Variants in SIPA1 observed in about 807,000 individuals in gnomAD.
SIPA1 encodes the protein signal-induced proliferation-associated 1.
SIPA1 carries 51 observed loss-of-function variants against 88.1 expected under a neutral mutation model. The observed-to-expected ratio is 0.58, with a 90% confidence interval of 0.46 to 0.73. The LOEUF (loss-of-function observed/expected upper bound fraction) is 0.73, where lower values mean the gene tolerates loss of function less well. SIPA1 is among the 30% of genes least tolerant of loss of function. The pLI is 0.00. For synonymous variants in SIPA1, 681 were observed against 664.8 expected, an observed-to-expected ratio of 1.02 and a Z score of -0.37; for missense variants, 1,348 against 1,467.6, an observed-to-expected ratio of 0.92 and a Z score of 1.33.
In SIPA1 at chr11:65,642,350, C is replaced by T; in HGVS notation, c.780C>T (p.Ser260=). Residue 260 remains serine, a synonymous_variant, in exon 3 of 16, where the codon AGC becomes AGT. Transcript: ENST00000534313. This position sits in a 1 kb window ranked among gnomAD's most constrained non-coding sequence, Gnocchi z 6.5. ...KEGSGGGTLH[S]YRVIVRTTQL... Reference sequence around the variant, plus strand: ...GCAGCGGAGGGGGCACCCTGCACAGCTACCGCGTCATCGTGCGGACCACGC... The same window carrying T: ...GCAGCGGAGGGGGCACCCTGCACAGTTACCGCGTCATCGTGCGGACCACGC... 6.4e-7 allele frequency: 1 copy of T among 1,567,786 alleles called. No homozygotes were observed. Among genetic ancestry groups the T allele is most frequent in the Non-Finnish European group, 8.6e-7 (1 of 1,156,416 alleles).
Position 65,649,596 on chromosome 11 carries a change from C to A in SIPA1, c.2561C>A (p.Thr854Asn). The A allele has an allele frequency of 6.2e-7, 1 of 1,614,146 alleles. No individual in the cohort carries two copies. The highest frequency in any genetic ancestry group is 1.7e-5 in the Admixed American group (1 of 60,024). Reference sequence around the variant, plus strand: ...GATGAGGCCCCAGTCCTGCCCAACACCACCCCGGACCTCCTCCTGGCCACC... The same window carrying A: ...GATGAGGCCCCAGTCCTGCCCAACAACACCCCGGACCTCCTCCTGGCCACC... ...LSDEAPVLPN[T>N]TPDLLLATTA... Residue 854 changes from threonine to asparagine, a missense_variant, in exon 11 of 16, where the codon ACC becomes AAC. Coordinates refer to ENST00000534313, the MANE Select transcript of SIPA1 (RefSeq NM_006747.4).
Position 65,641,520 on chromosome 11 carries a change from C to A in SIPA1, c.599C>A (p.Pro200Gln). 6.2e-7 allele frequency: 1 copy of A among 1,612,430 alleles called. No homozygotes were observed. Among genetic ancestry groups the A allele is most frequent in the Non-Finnish European group, 8.5e-7 (1 of 1,180,008 alleles). Reference sequence around the variant, plus strand: ...GCGGCCGTGTCCATCCTGGAGGAGCCACAGAACCGAACCTCGGCCTACAGC... The same window carrying A: ...GCGGCCGTGTCCATCCTGGAGGAGCAACAGAACCGAACCTCGGCCTACAGC... ...PNAAVSILEE[P>Q]QNRTSAYSLE... The change falls in exon 2 of 16, where the codon CCA becomes CAA. Residue 200 changes from proline (P) to glutamine (Q), a missense_variant. Pro to Gln is a moderately conservative substitution (Grantham distance 76). Transcript: ENST00000534313.
intron 8 of SIPA1, 104 bp from the exon 9 acceptor site, chr11:65,647,280 G>A (rs1169849692): frequency 5.8e-6 from 8 of 1,371,752 alleles, no homozygotes; most frequent in African/African-American, 3.0e-5. Context: ...GGCCCTCGGG[G>A]ACTGTGGAAA....
In SIPA1 at chr11:65,646,525, C is replaced by T. The variant is rs1280356098; in HGVS notation, c.1491C>T (p.Phe497=). The T allele has an allele frequency of 2.6e-6, 4 of 1,567,074 alleles. No individual in the cohort carries two copies. Among genetic ancestry groups the T allele is most frequent in the South Asian group, 1.1e-5 (1 of 87,524 alleles). ...GPALPAGGGP[F]AANADFRAFL... ...CTCTGCCTGCTGGCGGAGGCCCCTTCGCAGCCAACGCCGACTTCCGGGCCT... is the reference window on the plus strand; with the variant it reads ...CTCTGCCTGCTGGCGGAGGCCCCTTTGCAGCCAACGCCGACTTCCGGGCCT... Residue 497 remains phenylalanine, a synonymous_variant, in exon 8 of 16, where the codon TTC becomes TTT. Coordinates refer to ENST00000534313, the MANE Select transcript of SIPA1 (RefSeq NM_006747.4). This position sits in a 1 kb window ranked among gnomAD's most constrained non-coding sequence, Gnocchi z 7.5.
At position 65,646,485 on chromosome 11, in the gene SIPA1, C is replaced by G; in HGVS notation, c.1451C>G (p.Pro484Arg). ...RVAVSRTQDT[P>R]AFGPALPAGG... Reference sequence around the variant, plus strand: ...GCCGTGAGCCGCACCCAGGACACCCCTGCCTTCGGGCCAGCTCTGCCTGCT... The same window carrying G: ...GCCGTGAGCCGCACCCAGGACACCCGTGCCTTCGGGCCAGCTCTGCCTGCT... Residue 484 changes from proline (P) to arginine (R), a missense_variant, in exon 8 of 16, where the codon CCT becomes CGT. This residue lies in a region of SIPA1 where 641 missense variants were observed against 797.7 expected (regional missense o/e 0.80). Transcript: ENST00000534313. This position sits in a 1 kb window ranked among gnomAD's most constrained non-coding sequence, Gnocchi z 7.5. The G allele has an allele frequency of 6.3e-7, 1 of 1,582,586 alleles. No homozygotes were observed. The highest frequency in any genetic ancestry group is 8.5e-7 in the Non-Finnish European group (1 of 1,170,658).
Position 65,646,527 on chromosome 11 carries a change from C to G in SIPA1, c.1493C>G (p.Ala498Gly). Residue 498 changes from alanine (A) to glycine (G), a missense_variant, in exon 8 of 16, where the codon GCA becomes GGA. Ala to Gly is a moderately conservative substitution (Grantham distance 60, BLOSUM62 0). Transcript: ENST00000534313. This position sits in a 1 kb window ranked among gnomAD's most constrained non-coding sequence, Gnocchi z 7.5. ...PALPAGGGPFAANADFRAFLL... is the reference protein window; with the variant it reads ...PALPAGGGPFGANADFRAFLL... Reference sequence around the variant, plus strand: ...CTGCCTGCTGGCGGAGGCCCCTTCGCAGCCAACGCCGACTTCCGGGCCTTC... The same window carrying G: ...CTGCCTGCTGGCGGAGGCCCCTTCGGAGCCAACGCCGACTTCCGGGCCTTC... 1 of 1,566,414 alleles carries G rather than the reference C, an allele frequency of 6.4e-7. No homozygotes were observed. The highest frequency in any genetic ancestry group is 8.6e-7 in the Non-Finnish European group (1 of 1,162,786).
rs1220891421 is a variant in SIPA1 at position 65,647,461 on chromosome 11, C to T, written c.2109C>T (p.Asp703=). Residue 703 remains aspartate, a synonymous_variant, in exon 9 of 16, where the codon GAC becomes GAT. Transcript: ENST00000534313. ...AAGGCCGCCTGGGCTTCGAGGTGGA[C>T]GCCGAGGGATTCGTCACGCACGTGG... ...DGQGRLGFEV[D]AEGFVTHVER... 4.7e-6 allele frequency: 7 copies of T among 1,480,394 alleles called. No homozygotes were observed. The highest frequency in any genetic ancestry group is 5.3e-6 in the Non-Finnish European group (6 of 1,124,162). The allele number at this position is 1,480,394 out of a possible 1,614,324, so 91.7% of individuals were successfully genotyped here.
In SIPA1 at chr11:65,641,233, G is replaced by A. The variant is rs369131554; in HGVS notation, c.312G>A (p.Glu104=). The A allele has an allele frequency of 2.0e-5, 33 of 1,613,194 alleles. No individual in the cohort carries two copies. The African/African-American group carries it at 3.7e-4, about 18-fold the overall frequency. The part of the protein sequence containing the change: ...ALLGLPAEEP[E]PAFPPVLEPR... ...TGGGGCTGCCAGCAGAGGAACCAGA[G>A]CCTGCCTTCCCACCAGTGCTTGAGC... The change falls in exon 2 of 16, where the codon GAG becomes GAA. Residue 104 remains glutamate, a synonymous_variant. Transcript: ENST00000534313.
chr11:65,642,901 C>CTTTCTTTCTTTATTTATTTATTTA lies in SIPA1; in HGVS notation c.984+265_984+266insCTTTCTTTATTTATTTATTTATTT, dbSNP rs1555003564. 6.8e-6 allele frequency among the ~76,000 whole-genome samples: 1 copy of CTTTCTTTCTTTATTTATTTATTTA among 146,962 alleles called. No individual in the cohort carries two copies. The highest frequency in any genetic ancestry group is 2.5e-5 in the African/African-American group (1 of 39,412). ...CAGACCATCTGAATCAGAGTTTGCA[C>CTTTCTTTCTTTATTTATTTATTTA]TTTATTTATTTATTTATTTATTTAT... On this transcript the variant is annotated intron_variant, in intron 4 of 15. Transcript: ENST00000534313. This position sits in a 1 kb window ranked among gnomAD's most constrained non-coding sequence, Gnocchi z 6.5.
At position 65,646,156 on chromosome 11, in the gene SIPA1, C is replaced by T; in HGVS notation, c.1264-65C>T. 3.8e-6 allele frequency: 6 copies of T among 1,573,560 alleles called. No individual in the cohort carries two copies. The highest frequency in any genetic ancestry group is 5.2e-6 in the Non-Finnish European group (6 of 1,152,904). ...CCATTGGTGCCTTGGCTTTCTCCTG[C>T]CTGAATGAGGAGGGGTTTGGGGCAC... On this transcript the variant is annotated intron_variant, in intron 6 of 15. Transcript: ENST00000534313. The surrounding 1 kb of genome is among the most constrained non-coding windows in gnomAD (Gnocchi z 7.5).
intron 5 of SIPA1, 186 bp from the exon 6 acceptor site, chr11:65,645,668 A>G: frequency 1.8e-6 from 1 of 546,416 alleles, no homozygotes; most frequent in Non-Finnish European, 3.3e-6. Flanking sequence ...GTGGAGGGAG[A>G]GGAGGAGGGG....
chr11:65,650,569 G>A lies in SIPA1; in HGVS notation c.2983G>A (p.Glu995Lys). 1 of 1,606,056 alleles carries A rather than the reference G, an allele frequency of 6.2e-7. No homozygotes were observed. The highest frequency in any genetic ancestry group is 8.5e-7 in the Non-Finnish European group (1 of 1,176,116). Residue 995 changes from glutamate to lysine, a missense_variant and splice_region_variant, in exon 16 of 16, where the codon GAG becomes AAG. This residue lies in a region of SIPA1 where 615 missense variants were observed against 559.8 expected (regional missense o/e 1.10). Transcript: ENST00000534313. ...LRKLQEDLQK[E>K]KADRAALEEE... ...GACTCCTGTCTCCCCGGCACCCCAG[G>A]AGAAGGCGGACAGGGCGGCCCTGGA... is the stretch of plus-strand genomic sequence containing the variant.
rs370389116 is a variant in SIPA1, at chr11:65,649,761, G to C, written c.2642G>C (p.Arg881Thr). ...ADSETPLTQD[R>T]PGSPSGSEDK... ...GTATCCACTTCTGTGGCACAGGACA[G>C]GCCAGGCAGTCCCAGTGGCTCTGAG... The change falls in exon 12 of 16, where the codon AGG becomes ACG. Residue 881 changes from arginine to threonine, a missense_variant. Physicochemically the swap from Arg to Thr is moderately conservative, Grantham distance 71. Around this residue, in one of 4 missense-constraint regions of SIPA1, gnomAD observed 615 missense variants for 559.8 expected, o/e 1.10. Transcript: ENST00000534313. 9 of 1,613,976 alleles carry C rather than the reference G, an allele frequency of 5.6e-6. No homozygotes were observed. The African/African-American group carries it at 1.2e-4, about 22-fold the overall frequency.
Position 65,647,627 on chromosome 11 carries a change from C to T in SIPA1, c.2275C>T (p.Leu759=). The change falls in exon 9 of 16, where the codon CTG becomes TTG. Residue 759 remains leucine (L), a synonymous_variant. Transcript: ENST00000534313. ...RSAPKVCVTV[L]PPDESGRPRR... The stretch of plus-strand genomic sequence containing the variant: ...GGCGCCCAAGGTCTGCGTCACCGTC[C>T]TGCCCCCCGACGAGAGCGGCCGGCC... 7.1e-7 allele frequency: 1 copy of T among 1,403,306 alleles called. No individual in the cohort carries two copies. The allele number at this position is 1,403,306 out of a possible 1,614,324, so 86.9% of individuals were successfully genotyped here.
rs574967981 is a variant in SIPA1, at chr11:65,646,127, G to A, written c.1264-94G>A. On this transcript the variant is annotated intron_variant, in intron 6 of 15. Coordinates refer to ENST00000534313, the MANE Select transcript of SIPA1 (RefSeq NM_006747.4). This position sits in a 1 kb window ranked among gnomAD's most constrained non-coding sequence, Gnocchi z 7.5. ...CTAGGTCTTCACCAGGGGCAGTGGGGGAGCCATTGGTGCCTTGGCTTTCTC... is the reference window on the plus strand; with the variant it reads ...CTAGGTCTTCACCAGGGGCAGTGGGAGAGCCATTGGTGCCTTGGCTTTCTC... 89 of 1,450,018 alleles carry A rather than the reference G, an allele frequency of 6.1e-5. No individual in the cohort carries two copies. In the African/African-American group the frequency reaches 1.2e-3, roughly 20 times the overall value. 89.8% of individuals were successfully genotyped at this position (1,450,018 alleles called of 1,614,324 possible). A position where few individuals can be genotyped will look rare whatever the true frequency, so the allele number is the denominator to read the frequency against.
At position 65,649,373 on chromosome 11, in the gene SIPA1, G is replaced by C; in HGVS notation, c.2418G>C (p.Gln806His). Reference protein sequence around the residue: ...QGVTLLPTTKQLLHLCLQDGG... With the variant: ...QGVTLLPTTKHLLHLCLQDGG... ...TGACCCTGCTGCCCACCACAAAGCA[G>C]CTGCTGCACCTGTGCCTGCAAGATG... The change falls in exon 10 of 16, where the codon CAG becomes CAC. Residue 806 changes from glutamine to histidine, a missense_variant. Gln to His is a conservative substitution (Grantham distance 24). This residue lies in a region of SIPA1 where 615 missense variants were observed against 559.8 expected (regional missense o/e 1.10). Transcript: ENST00000534313. 6.4e-7 allele frequency: 1 copy of C among 1,571,500 alleles called. No homozygotes were observed. The highest frequency in any genetic ancestry group is 1.2e-5 in the South Asian group (1 of 86,318).
In SIPA1 at chr11:65,640,920, G is replaced by C; in HGVS notation, c.-2G>C. ...GCCCCCGGAGAGTCAGGCCCACAGAGCATGCCCATGTGGGCCGGCGGTGTG... is the reference window on the plus strand; with the variant it reads ...GCCCCCGGAGAGTCAGGCCCACAGACCATGCCCATGTGGGCCGGCGGTGTG... On this transcript the variant is annotated 5_prime_UTR_variant, in exon 2 of 16. Coordinates refer to ENST00000534313, the MANE Select transcript of SIPA1 (RefSeq NM_006747.4). The C allele has an allele frequency of 1.3e-6, 2 of 1,506,834 alleles. No homozygotes were observed. Among genetic ancestry groups the C allele is most frequent in the Non-Finnish European group, 1.8e-6 (2 of 1,137,154 alleles). 93.3% of individuals were successfully genotyped at this position (1,506,834 alleles called of 1,614,324 possible).
Position 65,650,072 on chromosome 11 carries a change from C to T in SIPA1, c.2848+21C>T, listed in dbSNP as rs529538480. 41 of 1,612,570 alleles carry T rather than the reference C, an allele frequency of 2.5e-5. No homozygotes were observed. In the South Asian group the frequency reaches 2.7e-4, roughly 11 times the overall value. On this transcript the variant is annotated intron_variant, in intron 13 of 15. Transcript: ENST00000534313. ...AGAGGGTGAGGCCACCAGGGTGCTG[C>T]GGTAAGCCTGGGCAGTGCTCTTGCC...
chr11:65,647,623 C>A lies in SIPA1; in HGVS notation c.2271C>A (p.Thr757=), dbSNP rs1590924247. Reference sequence around the variant, plus strand: ...GCTCGGCGCCCAAGGTCTGCGTCACCGTCCTGCCCCCCGACGAGAGCGGCC... The same window carrying A: ...GCTCGGCGCCCAAGGTCTGCGTCACAGTCCTGCCCCCCGACGAGAGCGGCC... The part of the protein sequence containing the change: ...LLRSAPKVCV[T]VLPPDESGRP... The change falls in exon 9 of 16, where the codon ACC becomes ACA. Residue 757 remains threonine (T), a synonymous_variant. Transcript: ENST00000534313. The A allele has an allele frequency of 7.1e-7, 1 of 1,403,496 alleles. No homozygotes were observed. 86.9% of individuals were successfully genotyped at this position (1,403,496 alleles called of 1,614,324 possible).
Sources: gnomAD v4.1 joint callset for allele counts (sites outside exome capture counted in the v4.1 genomes callset) on GRCh38, gnomAD v4.1.1 for gene constraint, gnomAD v4.1.1 regional missense constraint, Gnocchi (gnomAD v3.1) non-coding constraint, MANE v1.5 for transcripts, NCBI Gene and HGNC (gene_info 2026-07-23, HGNC 2026-07-21) for gene names.